Variants in SCFD1 observed in about 807,000 individuals in gnomAD.
SCFD1 encodes the protein sec1 family domain containing 1.
A neutral mutation model predicts 103.2 loss-of-function variants in SCFD1; 37 were observed. The observed-to-expected ratio is 0.36, with a 90% CI of 0.28 to 0.47. The LOEUF is 0.47. SCFD1 is among the 20% of genes least tolerant of loss of function. SCFD1 has a pLI of 1.00. For missense variants in SCFD1, 639 were observed against 761.2 expected, an observed-to-expected ratio of 0.84 and a Z score of 1.89; for synonymous variants, 264 against 245.0, an observed-to-expected ratio of 1.08 and a Z score of -0.73.
intron 19 of SCFD1, among the ~76,000 whole-genome samples, chr14:30,708,743 AAAC>A (rs1335542201): frequency 6.6e-6 from 1 of 151,234 alleles, no homozygotes; most frequent in Admixed American, 6.6e-5. Context: ...AAATTGGACT[AAAC>A]AAAATATTTT....
intron 23 of SCFD1, among the ~76,000 whole-genome samples, chr14:30,733,269 A>G (rs1373853215): frequency 6.6e-6 from 1 of 152,096 alleles, no homozygotes; most frequent in Non-Finnish European, 1.5e-5. Flanking sequence ...CGGCCTCCCA[A>G]AGTGCTGAGA....
At chr14:30,705,160 T>C (rs1891382569) in intron 17 of SCFD1, among the ~76,000 whole-genome samples, 1 of 152,146 alleles carries the variant, frequency 6.6e-6, no homozygotes, top group Non-Finnish European at 1.5e-5. Context: ...GTATATAATA[T>C]AACTAAAGGG....
chr14:30,644,565 C>G (rs564077882), intron 7 of SCFD1, among the ~76,000 whole-genome samples: 1 of 152,234 alleles, frequency 6.6e-6, no homozygotes, highest in South Asian at 2.1e-4. Flanking sequence ...GATGGTATCT[C>G]ATTGTGGTTT....
intron 14 of SCFD1, chr14:30,683,073 G>T: frequency 1.5e-6 from 2 of 1,378,350 alleles, no homozygotes; most frequent in Admixed American, 3.4e-5. Context: ...GACCTGTTTT[G>T]AGTAGGTTTC....
At chr14:30,650,719 G>T in intron 9 of SCFD1, 69 bp downstream of exon 9, 1 of 907,322 alleles carries the variant, frequency 1.1e-6, no homozygotes, top group South Asian at 1.6e-5. Context: ...TACTTTTCTT[G>T]GCTGATAGAA....
intron 10 of SCFD1, among the ~76,000 whole-genome samples, chr14:30,667,419 C>A (rs1442103096): frequency 6.6e-6 from 1 of 151,916 alleles, no homozygotes; most frequent in Non-Finnish European, 1.5e-5. Context: ...AATAATAAGA[C>A]CTATTTATGA....
chr14:30,656,349 A>G (rs1193859906), intron 10 of SCFD1, among the ~76,000 whole-genome samples: 2 of 152,188 alleles, frequency 1.3e-5, no homozygotes, highest in Non-Finnish European at 2.9e-5. Flanking sequence ...GCAGGAGATA[A>G]GAGCGTCCTG....
intron 23 of SCFD1, among the ~76,000 whole-genome samples, chr14:30,725,082 T>C (rs1024819596): frequency 6.6e-6 from 1 of 152,184 alleles, no homozygotes; most frequent in African/African-American, 2.4e-5. Flanking sequence ...TTGGCTACTG[T>C]ATAGCCCTGT....
chr14:30,713,223 G>A (rs1271874859), intron 19 of SCFD1, among the ~76,000 whole-genome samples: 2 of 152,014 alleles, frequency 1.3e-5, no homozygotes, highest in East Asian at 1.9e-4. Context: ...TCTTTCCTAC[G>A]TTTTAAAGAC....
intron 1 of SCFD1, among the ~76,000 whole-genome samples, chr14:30,624,898 G>A (rs1883225359): frequency 6.6e-6 from 1 of 151,938 alleles, no homozygotes; most frequent in African/African-American, 2.4e-5. Flanking sequence ...GTGGAGTACT[G>A]TTTCAGAGAT....
intron 4 of SCFD1, 43 bp downstream of exon 4, chr14:30,634,080 G>T (rs773162791): frequency 1.6e-6 from 2 of 1,218,958 alleles, no homozygotes; most frequent in African/African-American, 1.6e-5. Context: ...ATTTGGAAAT[G>T]GATTTTTTTT....
At chr14:30,628,059 T>C (rs751385966) in intron 1 of SCFD1, 150 bp from the exon 2 acceptor site, 7 of 552,708 alleles carry the variant, frequency 1.3e-5, no homozygotes, top group Non-Finnish European at 2.2e-5. Context: ...TTACAAGATC[T>C]GACCCCTAGT....
intron 23 of SCFD1, 91 bp from the exon 24 acceptor site, chr14:30,734,699 A>T: frequency 2.0e-6 from 2 of 996,772 alleles, no homozygotes; most frequent in Non-Finnish European, 3.2e-6. Flanking sequence ...GTTAAGAATA[A>T]CAAAAAAACT....
intron 1 of SCFD1, among the ~76,000 whole-genome samples, chr14:30,623,871 G>A (rs374128876): frequency 5.1e-4 from 77 of 152,188 alleles, no homozygotes; most frequent in African/African-American, 1.7e-3. Context: ...TGCAGAATTA[G>A]CTATTTCCCT....
intron 1 of SCFD1, among the ~76,000 whole-genome samples, chr14:30,625,192 C>G (rs979070231): frequency 6.6e-6 from 1 of 151,772 alleles, no homozygotes; most frequent in Non-Finnish European, 1.5e-5. Context: ...ACTACAGTGC[C>G]TGTGGTGAGC....
rs553201003 is a variant in SCFD1, at chr14:30,682,113, C to T, written c.1242+7048C>T. Among the ~76,000 whole-genome samples, 6 of 152,096 alleles carry T rather than the reference C, an allele frequency of 3.9e-5. No individual in the cohort carries two copies. The East Asian group carries it at 1.2e-3, about 29-fold the overall frequency. ...TTGAGGTTATACATTCTGATTTGGT[C>T]CTGGAATGCTAGAAATTCAATGTTT... On this transcript the variant is annotated intron_variant, in intron 14 of 24. Transcript: ENST00000458591.
intron 10 of SCFD1, among the ~76,000 whole-genome samples, chr14:30,667,908 C>A (rs1270589423): frequency 2.6e-5 from 4 of 152,128 alleles, no homozygotes; most frequent in African/African-American, 4.8e-5. Flanking sequence ...AAAGAGGACA[C>A]AAACAAATGG....
chr14:30,684,361 A>C (rs1336758376), intron 14 of SCFD1, among the ~76,000 whole-genome samples: 4 of 152,178 alleles, frequency 2.6e-5, no homozygotes, highest in Non-Finnish European at 5.9e-5. Context: ...GAGAAGGGAC[A>C]AACTAGTTTT....
chr14:30,693,702 A>G (rs941719992), intron 14 of SCFD1, among the ~76,000 whole-genome samples: 2 of 152,176 alleles, frequency 1.3e-5, no homozygotes, highest in African/African-American at 4.8e-5. Context: ...GTATATTTGT[A>G]TATTGGTTCT....
Sources: gnomAD v4.1 joint callset for allele counts (sites outside exome capture counted in the v4.1 genomes callset) on GRCh38, gnomAD v4.1.1 for gene constraint, MANE v1.5 for transcripts, NCBI Gene and HGNC (gene_info 2026-07-23, HGNC 2026-07-21) for gene names.